The following B3GNT5 variants were observed in gnomAD, a reference collection of about 807,000 sequenced individuals.
B3GNT5 encodes the protein UDP-GlcNAc:betaGal beta-1,3-N-acetylglucosaminyltransferase 5.
In B3GNT5, 11 loss-of-function variants were observed where a neutral mutation model predicts 25.9. The observed-to-expected ratio is 0.42, with a 90% CI of 0.27 to 0.70. The LOEUF (loss-of-function observed/expected upper bound fraction) is 0.70. B3GNT5 is among the 30% of genes least tolerant of loss of function. The probability of loss-of-function intolerance (pLI) is 0.23; values close to 1 mark genes in which losing one functional copy is unlikely to be tolerated. For synonymous variants in B3GNT5, 166 were observed against 158.6 expected, an observed-to-expected ratio of 1.05 and a Z score of -0.35; for missense variants, 385 against 458.4, an observed-to-expected ratio of 0.84 and a Z score of 1.46.
Position 183,271,179 on chromosome 3 carries a change from T to G in B3GNT5, c.*244T>G, listed in dbSNP as rs1282915400. On this transcript the variant is annotated 3_prime_UTR_variant, in exon 2 of 2. Coordinates refer to ENST00000326505, the MANE Select transcript of B3GNT5 (RefSeq NM_032047.5). ...TTTATATTATTAGTGAAAACAAAAC[T>G]AAAGGGAAGTTCAAGTTCTCATGTA... 1 of 342,742 alleles carries G rather than the reference T, an allele frequency of 2.9e-6. No homozygotes were observed. The highest frequency in any genetic ancestry group is 5.5e-6 in the Non-Finnish European group (1 of 182,886). The allele number at this position is 342,742 out of a possible 1,614,324, so 21.2% of individuals were successfully genotyped here.
rs1726763558 is a variant in B3GNT5, at chr3:183,271,351, TG to T, written c.*417del. On this transcript the variant is annotated 3_prime_UTR_variant, in exon 2 of 2. Coordinates refer to ENST00000326505, the MANE Select transcript of B3GNT5 (RefSeq NM_032047.5). ...TAGACCAGGTAAGCAAGTTTATTTT[TG>T]TTAAAGAGCACTTGGTGGAGGTAGT... 5.9e-6 allele frequency: 1 copy of T among 168,216 alleles called. No homozygotes were observed. Among genetic ancestry groups the T allele is most frequent in the African/African-American group, 2.4e-5 (1 of 41,472 alleles). The allele number at this position is 168,216 out of a possible 1,614,324, so 10.4% of individuals were successfully genotyped here.
chr3:183,261,797 A>C (rs1725609423), intron 1 of B3GNT5, among the ~76,000 whole-genome samples: 1 of 151,854 alleles, frequency 6.6e-6, no homozygotes, highest in Admixed American at 6.6e-5. Context: ...GCCTTCTTAT[A>C]TAGAATTTCT....
rs1366116389 is a variant in B3GNT5, at chr3:183,267,979, C to A, written c.-301-1519C>A. On this transcript the variant is annotated intron_variant, in intron 1 of 1. Coordinates refer to ENST00000326505, the MANE Select transcript of B3GNT5 (RefSeq NM_032047.5). The surrounding 1 kb of genome is among the most constrained non-coding windows in gnomAD (Gnocchi z 5.5). ...GCTGAGTGTAGGGTGTCCACAACATCGTGCCTAAAAAGTCTCTGTATGGGG... is the reference window on the plus strand; with the variant it reads ...GCTGAGTGTAGGGTGTCCACAACATAGTGCCTAAAAAGTCTCTGTATGGGG... 6.6e-6 allele frequency among the ~76,000 whole-genome samples: 1 copy of A among 152,098 alleles called. No individual in the cohort carries two copies. The highest frequency in any genetic ancestry group is 6.5e-5 in the Admixed American group (1 of 15,274).
chr3:183,255,877 G>C (rs557250661), intron 1 of B3GNT5, among the ~76,000 whole-genome samples: 1 of 151,900 alleles, frequency 6.6e-6, no homozygotes, highest in African/African-American at 2.4e-5. Context: ...AATAACTCAT[G>C]GGTTTTGAAA....
rs890246340 is a variant in B3GNT5 at position 183,269,723 on chromosome 3, A to T, written c.-76A>T. The T allele has an allele frequency of 2.9e-6, 4 of 1,360,926 alleles. No individual in the cohort carries two copies. The highest frequency in any genetic ancestry group is 4.6e-5 in the Admixed American group (2 of 43,544). The allele number at this position is 1,360,926 out of a possible 1,614,324, so 84.3% of individuals were successfully genotyped here. The stretch of plus-strand genomic sequence containing the variant: ...TTAAGATGGACACCTACTCTACGAA[A>T]CACGAAGTTCTATGGTCTCGAAGAA... On this transcript the variant is annotated 5_prime_UTR_variant, in exon 2 of 2. Coordinates refer to ENST00000326505, the MANE Select transcript of B3GNT5 (RefSeq NM_032047.5).
chr3:183,254,291 C>T (rs1724815083), intron 1 of B3GNT5: 1 of 151,772 alleles, frequency 6.6e-6, no homozygotes, highest in Middle Eastern at 3.2e-3. Context: ...GGATCGGGGC[C>T]CGCCGCCCTG....
At position 183,257,243 on chromosome 3, in the gene B3GNT5, T is replaced by C. The variant is rs138174078; in HGVS notation, c.-302+3771T>C. On this transcript the variant is annotated intron_variant, in intron 1 of 1. Transcript: ENST00000326505. ...TAGAGACAAGTCGAGCTCATGTGAC[T>C]AGTAAATGGAGAGGCACAGTATACA... 5.9e-5 allele frequency among the ~76,000 whole-genome samples: 9 copies of C among 152,316 alleles called. No homozygotes were observed. The East Asian group carries it at 1.7e-3, about 29-fold the overall frequency.
intron 1 of B3GNT5, chr3:183,265,179 A>C (rs1725978121): frequency 6.6e-6 from 1 of 152,234 alleles, no homozygotes; most frequent in African/African-American, 2.4e-5. Context: ...TAAAGCACCG[A>C]ATCAGAGTGA....
At chr3:183,260,647 C>T (rs1001299114) in intron 1 of B3GNT5, among the ~76,000 whole-genome samples, 1 of 152,114 alleles carries the variant, frequency 6.6e-6, no homozygotes, top group Admixed American at 6.6e-5. Flanking sequence ...CCCATTTGTT[C>T]ATTTGAAATT....
intron 1 of B3GNT5, among the ~76,000 whole-genome samples, chr3:183,268,499 G>A (rs1457317134): frequency 6.6e-6 from 1 of 151,594 alleles, no homozygotes; most frequent in Non-Finnish European, 1.5e-5. Flanking sequence ...AATAATGGAA[G>A]TGGAGAAAAT....
In B3GNT5 at chr3:183,267,751, G is replaced by A. The variant is rs951270501; in HGVS notation, c.-301-1747G>A. Among the ~76,000 whole-genome samples, 2 of 152,208 alleles carry A rather than the reference G, an allele frequency of 1.3e-5. No individual in the cohort carries two copies. The highest frequency in any genetic ancestry group is 4.8e-5 in the African/African-American group (2 of 41,450). On this transcript the variant is annotated intron_variant, in intron 1 of 1. Transcript: ENST00000326505. This position sits in a 1 kb window ranked among gnomAD's most constrained non-coding sequence, Gnocchi z 5.5. ...AATTCTTGAGGAAGGAGGGTGCTGC[G>A]TCCCAGTGGTGGAGGAAAAGAGAGG... is the stretch of plus-strand genomic sequence containing the variant.
chr3:183,256,416 A>G (rs1379465584), intron 1 of B3GNT5, among the ~76,000 whole-genome samples: 1 of 152,200 alleles, frequency 6.6e-6, no homozygotes, highest in Non-Finnish European at 1.5e-5. Context: ...TTTAAAGGAT[A>G]AGAAACTTGA....
chr3:183,269,046 T>C (rs1009931926), intron 1 of B3GNT5, among the ~76,000 whole-genome samples: 1 of 152,154 alleles, frequency 6.6e-6, no homozygotes, highest in Non-Finnish European at 1.5e-5. Flanking sequence ...CTTACTCTTA[T>C]TCCTGCCTTG....
At chr3:183,257,959 T>A (rs1027033758) in intron 1 of B3GNT5, among the ~76,000 whole-genome samples, 5 of 7,506 alleles carry the variant, frequency 6.7e-4, no homozygotes, top group Non-Finnish European at 1.6e-3. Context: ...CACTTCACCC[T>A]TTTTTTTTTT....
chr3:183,265,646 C>G (rs1355052957), intron 1 of B3GNT5: 1 of 152,240 alleles, frequency 6.6e-6, no homozygotes, highest in Admixed American at 6.5e-5. Flanking sequence ...GGAAAGGCCT[C>G]CTAGTGACTA....
chr3:183,259,669 G>A (rs1725407410), intron 1 of B3GNT5, among the ~76,000 whole-genome samples: 1 of 152,002 alleles, frequency 6.6e-6, no homozygotes, highest in Non-Finnish European at 1.5e-5. Context: ...CCTGAGTCCG[G>A]TACTTTTTTG....
At chr3:183,253,607 A>AT (rs1286813246) in intron 1 of B3GNT5, 135 bp downstream of exon 1, 1 of 152,316 alleles carries the variant, frequency 6.6e-6, no homozygotes, top group Non-Finnish European at 1.5e-5. Context: ...AGCTCCACGC[A>AT]TAAGTGGTGT....
At chr3:183,256,730 G>C (rs994465942) in intron 1 of B3GNT5, among the ~76,000 whole-genome samples, 2 of 152,190 alleles carry the variant, frequency 1.3e-5, no homozygotes, top group Non-Finnish European at 2.9e-5. Context: ...AGCAAAGTAA[G>C]TTCAAGGATG....
chr3:183,270,220 A>C lies in B3GNT5; in HGVS notation c.422A>C (p.Glu141Ala). The change falls in exon 2 of 2, where the codon GAA becomes GCA. Residue 141 changes from glutamate to alanine, a missense_variant. Coordinates refer to ENST00000326505, the MANE Select transcript of B3GNT5 (RefSeq NM_032047.5). This position sits in a 1 kb window ranked among gnomAD's most constrained non-coding sequence, Gnocchi z 4.5. The stretch of plus-strand genomic sequence containing the variant: ...ACTCCTAATCCACTGGAGGGAGAAG[A>C]ACTACAAAGAAAACTGGCTTGGGAA... ...LGTPNPLEGE[E>A]LQRKLAWEDQ... 1 of 1,614,216 alleles carries C rather than the reference A, an allele frequency of 6.2e-7. No homozygotes were observed. Among genetic ancestry groups the C allele is most frequent in the Non-Finnish European group, 8.5e-7 (1 of 1,180,020 alleles).
Sources: gnomAD v4.1 joint callset for allele counts (sites outside exome capture counted in the v4.1 genomes callset) on GRCh38, gnomAD v4.1.1 for gene constraint, Gnocchi (gnomAD v3.1) non-coding constraint, MANE v1.5 for transcripts, NCBI Gene and HGNC (gene_info 2026-07-23, HGNC 2026-07-21) for gene names.